Variants in ZFPM1 observed in about 807,000 individuals in gnomAD.
ZFPM1 encodes zinc finger protein ZFPM1.
ZFPM1 carries 28 observed loss-of-function variants against 46.3 expected under a neutral mutation model. The observed-to-expected ratio is 0.60, with a 90% CI of 0.45 to 0.83. ZFPM1 has a LOEUF of 0.83. ZFPM1 is among the 40% of genes least tolerant of loss of function. The pLI is 0.00. For synonymous variants in ZFPM1, 957 were observed against 675.9 expected (o/e 1.42, Z -6.45); for missense variants, 1,878 against 1,432.4 (o/e 1.31, Z -5.02).
chr16:88,494,903 G>T (rs1909848589), intron 3 of ZFPM1, among the ~76,000 whole-genome samples: 1 of 152,222 alleles, frequency 6.6e-6, no homozygotes, highest in African/African-American at 2.4e-5. Context: ...GCGAAGGGAA[G>T]GATGGGCGGC....
chr16:88,500,509 TAGAG>T (rs1303147850), intron 3 of ZFPM1, among the ~76,000 whole-genome samples: 2 of 152,252 alleles, frequency 1.3e-5, no homozygotes, highest in African/African-American at 4.8e-5. Context: ...ACAGCGCTAT[TAGAG>T]AGTGCTGCTG....
intron 1 of ZFPM1, among the ~76,000 whole-genome samples, chr16:88,481,271 T>C (rs576419175): frequency 5.3e-5 from 8 of 152,264 alleles, no homozygotes; most frequent in Admixed American, 5.2e-4. Context: ...GCCACTGACC[T>C]CTGCCAGGCC....
intron 3 of ZFPM1, among the ~76,000 whole-genome samples, chr16:88,496,402 G>A (rs1909932091): frequency 6.6e-6 from 1 of 152,052 alleles, no homozygotes; most frequent in Non-Finnish European, 1.5e-5. Flanking sequence ...GTGCACCACT[G>A]AGGCTCAGCC....
At chr16:88,507,674 TGTG>T (rs1910735735) in intron 3 of ZFPM1, among the ~76,000 whole-genome samples, 3 of 152,278 alleles carry the variant, frequency 2.0e-5, no homozygotes, top group Admixed American at 2.0e-4. Flanking sequence ...CTCCGGCAGA[TGTG>T]GGCCTCGGGG....
Position 88,534,541 on chromosome 16 carries a change from G to A in ZFPM1, c.2583G>A (p.Pro861=). Residue 861 remains proline, a synonymous_variant, in exon 10 of 10, where the codon CCG becomes CCA. Coordinates refer to ENST00000319555, the MANE Select transcript of ZFPM1 (RefSeq NM_153813.3). ...CCGCCGCCTGCCCCTACTGCCCCCC[G>A]AACGGCCCGGTGCGCGGGGACCTGC... ...LPAAACPYCP[P]NGPVRGDLLE... 2.2e-6 allele frequency: 3 copies of A among 1,382,250 alleles called. No homozygotes were observed. Among genetic ancestry groups the A allele is most frequent in the Non-Finnish European group, 2.8e-6 (3 of 1,070,712 alleles). The allele number at this position is 1,382,250 out of a possible 1,614,324, so 85.6% of individuals were successfully genotyped here.
chr16:88,485,109 G>A (rs377082546), intron 1 of ZFPM1, among the ~76,000 whole-genome samples: 7 of 152,232 alleles, frequency 4.6e-5, no homozygotes, highest in African/African-American at 9.6e-5. Flanking sequence ...GGAAGTGCAC[G>A]GGGACTGGGC....
intron 1 of ZFPM1, among the ~76,000 whole-genome samples, chr16:88,483,658 A>C (rs934449399): frequency 1.2e-4 from 18 of 152,260 alleles, no homozygotes; most frequent in Non-Finnish European, 2.2e-4. Flanking sequence ...GACTGTCCCC[A>C]CAGTGGCCCG....
chr16:88,533,775 C>T lies in ZFPM1; in HGVS notation c.1817C>T (p.Pro606Leu). Residue 606 changes from proline to leucine, a missense_variant, in exon 10 of 10, where the codon CCC becomes CTC. Pro to Leu is a moderately conservative substitution (Grantham distance 98, BLOSUM62 -3). Coordinates refer to ENST00000319555, the MANE Select transcript of ZFPM1 (RefSeq NM_153813.3). ...KRLYCSGRRA[P>L]EDAPAARRPK... The stretch of plus-strand genomic sequence containing the variant: ...CTCTACTGTTCAGGCCGCCGTGCGC[C>T]CGAGGACGCGCCTGCCGCGCGCAGG... 1 of 1,394,992 alleles carries T rather than the reference C, an allele frequency of 7.2e-7. No homozygotes were observed. The highest frequency in any genetic ancestry group is 9.4e-7 in the Non-Finnish European group (1 of 1,063,364). 86.4% of individuals were successfully genotyped at this position (1,394,992 alleles called of 1,614,324 possible).
At position 88,471,838 on chromosome 16, in the gene ZFPM1, G is replaced by C. The variant is rs969107580; in HGVS notation, c.41-14101G>C. On this transcript the variant is annotated intron_variant, in intron 1 of 9. Transcript: ENST00000319555. The surrounding 1 kb of genome is among the most constrained non-coding windows in gnomAD (Gnocchi z 4.1). ...TGTGAAATCGGGGCGAGGCCCCCGC[G>C]GGCTGGGAGGGCTCTGGGCCTCCGG... Among the ~76,000 whole-genome samples, 1 of 152,270 alleles carries C rather than the reference G, an allele frequency of 6.6e-6. No individual in the cohort carries two copies. The highest frequency in any genetic ancestry group is 2.4e-5 in the African/African-American group (1 of 41,476).
chr16:88,522,815 G>C (rs1414859908), intron 4 of ZFPM1, among the ~76,000 whole-genome samples: 1 of 152,232 alleles, frequency 6.6e-6, no homozygotes, highest in Non-Finnish European at 1.5e-5. Context: ...GACCAGGCTG[G>C]GTGCCGAGCC....
At chr16:88,529,970 G>C (rs1173297322) in intron 6 of ZFPM1, among the ~76,000 whole-genome samples, 1 of 152,182 alleles carries the variant, frequency 6.6e-6, no homozygotes, top group Non-Finnish European at 1.5e-5. Flanking sequence ...GGCAGGGGCT[G>C]GGCAAGCCAC....
intron 6 of ZFPM1, 105 bp downstream of exon 6, chr16:88,528,343 C>A: frequency 7.8e-7 from 1 of 1,281,732 alleles, no homozygotes; most frequent in Non-Finnish European, 1.1e-6. Context: ...GGGCTGCAGG[C>A]TGCCGACAGA....
At position 88,535,066 on chromosome 16, in the gene ZFPM1, C is replaced by T. The variant is rs918425290; in HGVS notation, c.*87C>T. 3.0e-6 allele frequency: 4 copies of T among 1,334,092 alleles called. No homozygotes were observed. The highest frequency in any genetic ancestry group is 3.9e-6 in the Non-Finnish European group (4 of 1,036,134). The allele number at this position is 1,334,092 out of a possible 1,614,324, so 82.6% of individuals were successfully genotyped here. On this transcript the variant is annotated 3_prime_UTR_variant, in exon 10 of 10. Transcript: ENST00000319555. ...CCCCAGGCCGCACGGACTGCCGCTC[C>T]TGGGAACCCCGCCACGCACAGGCCT...
In ZFPM1 at chr16:88,453,361, C is replaced by CGCGGCG. The variant is rs1470460172; in HGVS notation, c.-268_-263dup. 1 of 146,816 alleles carries CGCGGCG rather than the reference C, an allele frequency of 6.8e-6. No homozygotes were observed. The highest frequency in any genetic ancestry group is 1.5e-5 in the Non-Finnish European group (1 of 66,006). The allele number at this position is 146,816 out of a possible 1,614,324, so 9.1% of individuals were successfully genotyped here. On this transcript the variant is annotated 5_prime_UTR_variant, in exon 1 of 10. Coordinates refer to ENST00000319555, the MANE Select transcript of ZFPM1 (RefSeq NM_153813.3). Reference sequence around the variant, plus strand: ...GTTCCATTGAGAAAAGCCGAGCGGCCGCGGCGGCGGCGGCGAGTGCGCGGG... The same window carrying CGCGGCG: ...GTTCCATTGAGAAAAGCCGAGCGGCCGCGGCGGCGGCGGCGGCGGCGAGTGCGCGGG...
chr16:88,517,963 C>T (rs542385764), intron 4 of ZFPM1, among the ~76,000 whole-genome samples: 15 of 151,650 alleles, frequency 9.9e-5, no homozygotes, highest in Admixed American at 9.8e-4. Context: ...GTAATCCCAG[C>T]ACTTTGGGAG....
intron 4 of ZFPM1, among the ~76,000 whole-genome samples, chr16:88,525,780 C>G (rs1912265622): frequency 6.6e-6 from 1 of 152,240 alleles, no homozygotes; most frequent in African/African-American, 2.4e-5. Context: ...CGCCCCACCT[C>G]GCCCTGTCCC....
intron 5 of ZFPM1, among the ~76,000 whole-genome samples, chr16:88,527,357 C>G (rs1359670841): frequency 6.6e-6 from 1 of 152,198 alleles, no homozygotes; most frequent in Non-Finnish European, 1.5e-5. Context: ...TCCAGGAAGT[C>G]GAGGGGCCTT....
chr16:88,468,263 G>A (rs565443037), intron 1 of ZFPM1, among the ~76,000 whole-genome samples: 6 of 151,320 alleles, frequency 4.0e-5, no homozygotes, highest in Admixed American at 3.3e-4. Flanking sequence ...ACGCACCCGC[G>A]AGCCCACTGC....
chr16:88,478,637 G>A (rs1908791034), intron 1 of ZFPM1, among the ~76,000 whole-genome samples: 1 of 152,250 alleles, frequency 6.6e-6, no homozygotes, highest in Admixed American at 6.5e-5. Context: ...AAATAAACGA[G>A]GCTCCGGCAG....
Sources: allele counts gnomAD v4.1 joint callset (sites outside exome capture counted in the v4.1 genomes callset), GRCh38; gene constraint gnomAD v4.1.1; non-coding constraint Gnocchi (gnomAD v3.1); transcripts MANE v1.5; gene names NCBI Gene and HGNC (gene_info 2026-07-23, HGNC 2026-07-21).